Variants in MRTO4 observed in about 807,000 individuals in gnomAD.
The protein encoded by MRTO4 is MRT4 homolog, ribosome maturation factor.
Under a neutral mutation model 28.6 loss-of-function variants are expected in MRTO4, and 7 were observed. The observed-to-expected ratio is 0.24, with a 90% CI of 0.14 to 0.46. The LOEUF (loss-of-function observed/expected upper bound fraction) is 0.46, where lower values mean the gene tolerates loss of function less well. Among genes scored for constraint, MRTO4 ranks in the 20% least tolerant of loss-of-function variants. The pLI is 0.99. For synonymous variants in MRTO4, 113 were observed against 108.2 expected (o/e 1.04, Z -0.27); for missense variants, 302 against 298.3 (o/e 1.01, Z -0.09).
chr1:19,257,753 G>T, intron 5 of MRTO4, 80 bp from the exon 6 acceptor site: 1 of 1,558,504 alleles, frequency 6.4e-7, no homozygotes, highest in South Asian at 1.2e-5. Context: ...CCAGGGCCAC[G>T]GGACACTTGG....
At chr1:19,258,403 C>G (rs993583174) in intron 6 of MRTO4, 74 bp from the exon 7 acceptor site, 1 of 1,577,498 alleles carries the variant, frequency 6.3e-7, no homozygotes, top group Non-Finnish European at 8.7e-7. Context: ...TGGATTCCTC[C>G]CAACATGACC....
chr1:19,254,307 G>A (rs2093668374), intron 1 of MRTO4, among the ~76,000 whole-genome samples: 1 of 152,164 alleles, frequency 6.6e-6, no homozygotes, highest in South Asian at 2.1e-4. Flanking sequence ...CTGTGTGGGA[G>A]GATTGCCTGA....
intron 3 of MRTO4, 103 bp downstream of exon 3, chr1:19,256,154 A>G (rs1242978320): frequency 1.1e-6 from 1 of 937,000 alleles, no homozygotes; most frequent in Non-Finnish European, 1.7e-6. Context: ...TGCCTGGGTC[A>G]TGCCGCTGAC....
At chr1:19,254,420 C>T (rs2093668570) in intron 1 of MRTO4, among the ~76,000 whole-genome samples, 1 of 152,012 alleles carries the variant, frequency 6.6e-6, no homozygotes, top group African/African-American at 2.4e-5. Flanking sequence ...AAAACAGGGG[C>T]CTGCCTCAGC....
At chr1:19,254,467 A>G (rs1283350822) in intron 1 of MRTO4, among the ~76,000 whole-genome samples, 2 of 152,198 alleles carry the variant, frequency 1.3e-5, no homozygotes, top group East Asian at 1.9e-4. Flanking sequence ...CACTTCTAGC[A>G]GCAGGAACAG....
chr1:19,255,920 A>C, intron 2 of MRTO4, 28 bp from the exon 3 acceptor site: 1 of 1,595,138 alleles, frequency 6.3e-7, no homozygotes, highest in Non-Finnish European at 8.6e-7. Flanking sequence ...TGCTGCTTGA[A>C]CTCAGAGCCT....
rs1477590329 is a variant in MRTO4 at position 19,258,850 on chromosome 1, G to A, written c.*20G>A. The A allele has an allele frequency of 1.2e-6, 2 of 1,611,226 alleles. No individual in the cohort carries two copies. The highest frequency in any genetic ancestry group is 1.7e-6 in the Non-Finnish European group (2 of 1,178,688). ...GACTGAAAGGGACTCGGGACTGAAG[G>A]TCTCCTGGAAGCTTCTGGGTCTCAC... On this transcript the variant is annotated 3_prime_UTR_variant, in exon 8 of 8. Coordinates refer to ENST00000330263, the MANE Select transcript of MRTO4 (RefSeq NM_016183.4).
chr1:19,258,889 C>G lies in MRTO4; in HGVS notation c.*59C>G. ...TCTGGGTCTCACTGGACCATCAGGA[C>G]TGCTGCCGCCCCTCTGGAGAGAGCA... On this transcript the variant is annotated 3_prime_UTR_variant, in exon 8 of 8. Transcript: ENST00000330263. 2.6e-6 allele frequency: 4 copies of G among 1,565,216 alleles called. No individual in the cohort carries two copies. The highest frequency in any genetic ancestry group is 3.5e-6 in the Non-Finnish European group (4 of 1,154,706).
At chr1:19,256,957 C>T (rs1295874138) in intron 3 of MRTO4, 107 bp from the exon 4 acceptor site, 3 of 1,078,732 alleles carry the variant, frequency 2.8e-6, no homozygotes, top group Admixed American at 2.1e-5. Context: ...GCCACTGGCT[C>T]AGCCTGGGCC....
intron 3 of MRTO4, 131 bp downstream of exon 3, chr1:19,256,182 G>A (rs2093671234): frequency 1.4e-5 from 10 of 727,904 alleles, no homozygotes; most frequent in African/African-American, 5.3e-5. Context: ...TAAGGACAAA[G>A]TGCTACCTGC....
In MRTO4 at chr1:19,257,968, C is replaced by T. The variant is rs1238626382; in HGVS notation, c.477C>T (p.Pro159=). 1.2e-6 allele frequency: 2 copies of T among 1,613,942 alleles called. No individual in the cohort carries two copies. Among genetic ancestry groups the T allele is most frequent in the Non-Finnish European group, 1.7e-6 (2 of 1,180,026 alleles). ...MEPQLRQLGL[P]TALKRGVVTL... ...CACAGCTCAGGCAGCTGGGCCTGCC[C>T]ACCGCCCTCAAGAGAGGTATGGGCA... Residue 159 remains proline (P), a synonymous_variant, in exon 6 of 8, where the codon CCC becomes CCT. Coordinates refer to ENST00000330263, the MANE Select transcript of MRTO4 (RefSeq NM_016183.4).
At position 19,258,703 on chromosome 1, in the gene MRTO4, C is replaced by A; in HGVS notation, c.593C>A (p.Ala198Asp). 1 of 1,614,162 alleles carries A rather than the reference C, an allele frequency of 6.2e-7. No individual in the cohort carries two copies. Among genetic ancestry groups the A allele is most frequent in the East Asian group, 2.2e-5 (1 of 44,888 alleles). ...RVLKLFGYEM[A>D]EFKVTIKYMW... is the part of the protein sequence containing the mutation. ...CAGAAGCTTTTTGGGTATGAGATGGCTGAATTCAAGGTGACCATCAAATAC... is the reference window on the plus strand; with the variant it reads ...CAGAAGCTTTTTGGGTATGAGATGGATGAATTCAAGGTGACCATCAAATAC... Residue 198 changes from alanine (A) to aspartate (D), a missense_variant, in exon 8 of 8, where the codon GCT becomes GAT. By Grantham distance (126) the Ala-to-Asp change is moderately radical. Coordinates refer to ENST00000330263, the MANE Select transcript of MRTO4 (RefSeq NM_016183.4).
chr1:19,259,029 G>A lies in MRTO4; in HGVS notation c.*199G>A, dbSNP rs867635907. 3.0e-5 allele frequency: 18 copies of A among 596,756 alleles called. No homozygotes were observed. The highest frequency in any genetic ancestry group is 3.7e-5 in the Non-Finnish European group (13 of 349,780). The allele number at this position is 596,756 out of a possible 1,614,324, so 37.0% of individuals were successfully genotyped here. ...TGGAATCCCAGCACTTTGGGAAGCC[G>A]AGGTGGGCAGATCATAAGGTCGGGA... On this transcript the variant is annotated 3_prime_UTR_variant, in exon 8 of 8. Coordinates refer to ENST00000330263, the MANE Select transcript of MRTO4 (RefSeq NM_016183.4).
chr1:19,257,484 C>G lies in MRTO4; in HGVS notation c.304C>G (p.Leu102Val). The G allele has an allele frequency of 6.2e-7, 1 of 1,614,216 alleles. No homozygotes were observed. Among genetic ancestry groups the G allele is most frequent in the Non-Finnish European group, 8.5e-7 (1 of 1,180,034 alleles). Residue 102 changes from leucine (L) to valine (V), a missense_variant, in exon 5 of 8, where the codon CTC (leucine) becomes GTC (valine). Coordinates refer to ENST00000330263, the MANE Select transcript of MRTO4 (RefSeq NM_016183.4). ...CAAAAGGTTGAGGGGTGAGGTGGGT[C>G]TCCTGTTCACCAACCGCACAAAGGA... is the stretch of plus-strand genomic sequence containing the variant. ...VSKRLRGEVG[L>V]LFTNRTKEEV...
At chr1:19,252,039 G>A in intron 1 of MRTO4, 176 bp downstream of exon 1, 1 of 923,138 alleles carries the variant, frequency 1.1e-6, no homozygotes, top group Non-Finnish European at 1.6e-6. Context: ...ACCGCCAGAG[G>A]TGGCTGACGC....
intron 1 of MRTO4, among the ~76,000 whole-genome samples, chr1:19,252,998 C>T (rs1192246955): frequency 2.0e-5 from 3 of 152,180 alleles, no homozygotes; most frequent in Non-Finnish European, 4.4e-5. Context: ...TCTCTCTTAA[C>T]CCGGCTCCCT....
intron 5 of MRTO4, 85 bp from the exon 6 acceptor site, chr1:19,257,748 G>GCCA: frequency 6.5e-7 from 1 of 1,549,974 alleles, no homozygotes; most frequent in Non-Finnish European, 8.8e-7. Context: ...AAGGCCCAGG[G>GCCA]CCACGGGACA....
chr1:19,257,152 C>T lies in MRTO4; in HGVS notation c.273+7C>T. On this transcript the variant is annotated splice_region_variant and intron_variant, in intron 4 of 7. Transcript: ENST00000330263. ...CAAAGACAACCTGCACCAGGTAAGT[C>T]TCTGGCCCTCACGGGGTGGAGCTAA... 1.2e-6 allele frequency: 2 copies of T among 1,613,702 alleles called. No individual in the cohort carries two copies. The highest frequency in any genetic ancestry group is 1.7e-6 in the Non-Finnish European group (2 of 1,179,754).
chr1:19,257,776 C>T, intron 5 of MRTO4, 57 bp from the exon 6 acceptor site: 2 of 1,593,584 alleles, frequency 1.3e-6, no homozygotes, highest in South Asian at 2.3e-5. Context: ...GAGCCTGACT[C>T]ATGGGCTGGT....
Sources: gnomAD v4.1 joint callset for allele counts (sites outside exome capture counted in the v4.1 genomes callset) on GRCh38, gnomAD v4.1.1 for gene constraint, MANE v1.5 for transcripts, NCBI Gene and HGNC (gene_info 2026-07-23, HGNC 2026-07-21) for gene names.